PDE1C: variants seen among roughly 807,000 people sequenced by gnomAD.
The protein encoded by PDE1C is phosphodiesterase 1C.
A neutral mutation model predicts 93.1 loss-of-function variants in PDE1C; 62 were observed. The observed-to-expected ratio is 0.67, with a 90% CI of 0.54 to 0.82. The LOEUF (loss-of-function observed/expected upper bound fraction) is 0.82, where lower values mean the gene tolerates loss of function less well. Ranked by LOEUF, PDE1C falls within the 40% of genes least tolerant of loss-of-function variation. The pLI, the probability that PDE1C is intolerant of heterozygous loss-of-function variation, is 0.00. For missense variants in PDE1C, 742 were observed against 884.6 expected (o/e 0.84, Z 2.04); for synonymous variants, 325 against 310.1 (o/e 1.05, Z -0.50).
intron 3 of PDE1C, among the ~76,000 whole-genome samples, chr7:32,128,024 C>A (rs1799686410): frequency 6.6e-6 from 1 of 151,806 alleles, no homozygotes; most frequent in Non-Finnish European, 1.5e-5. Context: ...TAGGACAAAT[C>A]AGACACATAC....
intron 3 of PDE1C, among the ~76,000 whole-genome samples, chr7:31,880,324 A>C (rs1347021010): frequency 2.6e-5 from 4 of 152,204 alleles, no homozygotes; most frequent in African/African-American, 9.6e-5. Flanking sequence ...CTGGGTGCTT[A>C]AGAGAACACA....
At chr7:32,323,886 C>A (rs569450057) in intron 1 of PDE1C, among the ~76,000 whole-genome samples, 7 of 152,278 alleles carry the variant, frequency 4.6e-5, no homozygotes, top group African/African-American at 1.7e-4. Context: ...CTGTGCTGAA[C>A]TCTAATACAA....
intron 2 of PDE1C, among the ~76,000 whole-genome samples, chr7:32,186,398 G>A (rs1015238296): frequency 1.3e-5 from 2 of 152,098 alleles, no homozygotes; most frequent in Non-Finnish European, 2.9e-5. Context: ...CACCGCGCCC[G>A]GCCCTAATTT....
intron 1 of PDE1C, among the ~76,000 whole-genome samples, chr7:32,064,768 T>C (rs895618891): frequency 2.6e-4 from 39 of 152,160 alleles, no homozygotes; most frequent in African/African-American, 8.7e-4. Context: ...ATGTGTTCAA[T>C]TACTCACCTC....
intron 2 of PDE1C, among the ~76,000 whole-genome samples, chr7:32,042,625 C>T (rs1791979956): frequency 6.6e-6 from 1 of 152,148 alleles, no homozygotes; most frequent in Non-Finnish European, 1.5e-5. Context: ...CTTTTAATGT[C>T]CCATGATTAC....
chr7:32,114,785 C>A lies in PDE1C; in HGVS notation c.308+55000G>T, dbSNP rs577228392. ...ATTTACAAGAATAAAATAAACAACC[C>A]CATCAAAAAGTGGGCAAAGAATATG... is the stretch of plus-strand genomic sequence containing the variant. On this transcript the variant is annotated intron_variant, in intron 3 of 18. Transcript: ENST00000396193. Among the ~76,000 whole-genome samples, 8 of 151,096 alleles carry A rather than the reference C, an allele frequency of 5.3e-5. No individual in the cohort carries two copies. The South Asian group carries it at 1.7e-3, about 32-fold the overall frequency.
the PDE1C span, among the ~76,000 whole-genome samples, chr7:31,641,578 TAG>T: frequency 6.6e-6 from 1 of 152,174 alleles, no homozygotes; most frequent in South Asian, 2.1e-4. Context: ...AATCTACAGA[TAG>T]ATTTAACATT....
chr7:32,253,354 C>A (rs2128876567), intron 1 of PDE1C, among the ~76,000 whole-genome samples: 1 of 152,256 alleles, frequency 6.6e-6, no homozygotes, highest in Admixed American at 6.5e-5. Flanking sequence ...TGTAAATAGC[C>A]TTTCTATGCC....
intron 2 of PDE1C, among the ~76,000 whole-genome samples, chr7:32,018,476 T>C (rs768702021): frequency 4.6e-5 from 7 of 152,186 alleles, no homozygotes; most frequent in Admixed American, 6.5e-5. Flanking sequence ...AATGGAATAT[T>C]ATTTGGTGGT....
intron 2 of PDE1C, among the ~76,000 whole-genome samples, chr7:32,208,257 A>G (rs922683162): frequency 6.6e-6 from 1 of 152,112 alleles, no homozygotes; most frequent in African/African-American, 2.4e-5. Context: ...GCCTGTAAAT[A>G]GAGAAATTAT....
chr7:31,876,956 T>C (rs942556618), intron 5 of PDE1C, among the ~76,000 whole-genome samples: 4 of 152,166 alleles, frequency 2.6e-5, no homozygotes, highest in African/African-American at 9.7e-5. Flanking sequence ...ATCAAGATTG[T>C]CCCAAGGGGC....
intron 1 of PDE1C, chr7:32,298,621 AGGAGTCCGAGAGG>A: frequency 6.3e-7 from 1 of 1,579,740 alleles, no homozygotes; most frequent in Non-Finnish European, 8.6e-7. Context: ...TGCCCGAGCC[AGGAGTCCGAGAGG>A]GGTGGAAAGT....
the PDE1C span, among the ~76,000 whole-genome samples, chr7:31,645,163 A>G: frequency 6.6e-6 from 1 of 152,226 alleles, no homozygotes; most frequent in Admixed American, 6.5e-5. Flanking sequence ...AAATTGCTTG[A>G]CATTACAGTA....
intron 2 of PDE1C, among the ~76,000 whole-genome samples, chr7:32,040,761 G>A (rs1791708930): frequency 6.6e-6 from 1 of 152,126 alleles, no homozygotes. Flanking sequence ...AAGAGACTGT[G>A]CCCTTCCAAA....
In PDE1C at chr7:31,963,943, T is replaced by C. The variant is rs193225498; in HGVS notation, c.129-83083A>G. On this transcript the variant is annotated intron_variant, in intron 2 of 17. Transcript: ENST00000396191. ...TACTAAATCATGAAGCATGACTTTA[T>C]CTGTGTTAGGTGTTAAGAAAAAAGT... 3.9e-5 allele frequency among the ~76,000 whole-genome samples: 6 copies of C among 152,338 alleles called. No individual in the cohort carries two copies. The East Asian group carries it at 1.2e-3, about 29-fold the overall frequency.
Position 31,753,604 on chromosome 7 carries a change from T to A in PDE1C, c.1961-51A>T, listed in dbSNP as rs1794251637. On this transcript the variant is annotated intron_variant, in intron 17 of 17. Transcript: ENST00000396191. ...ACAACGGTTAGCCTCACCCACGACA[T>A]GCCACAACCTAAATATTGTGAGCAA... The A allele has an allele frequency of 9.0e-6, 14 of 1,564,236 alleles. No individual in the cohort carries two copies. The South Asian group carries it at 1.6e-4, about 18-fold the overall frequency.
intron 14 of PDE1C, chr7:31,820,935 T>C (rs1279934392): frequency 6.6e-6 from 1 of 150,694 alleles, no homozygotes; most frequent in South Asian, 2.1e-4. Context: ...AATTCTGCGA[T>C]GTACATTATC....
At chr7:31,643,745 T>A in the PDE1C span, 1 of 1,614,046 alleles carries the variant, frequency 6.2e-7, no homozygotes, top group South Asian at 1.1e-5. Flanking sequence ...TTCTCTAGTA[T>A]CTGCCCAATG....
intron 1 of PDE1C, among the ~76,000 whole-genome samples, chr7:32,310,129 C>G (rs1455134808): frequency 6.6e-6 from 1 of 151,760 alleles, no homozygotes; most frequent in Non-Finnish European, 1.5e-5. Context: ...GACTTCAAAC[C>G]AACAAAGATC....
Sources: gnomAD v4.1 joint callset for allele counts (sites outside exome capture counted in the v4.1 genomes callset) on GRCh38, gnomAD v4.1.1 for gene constraint, MANE v1.5 for transcripts, NCBI Gene and HGNC (gene_info 2026-07-23, HGNC 2026-07-21) for gene names.